Variants in COP1 observed in about 807,000 individuals in gnomAD.
COP1 encodes E3 ubiquitin-protein ligase COP1.
A neutral mutation model predicts 101.3 loss-of-function variants in COP1; 24 were observed. The ratio of observed to expected loss-of-function variants is 0.24; its 90% CI spans 0.17 to 0.33. The LOEUF (loss-of-function observed/expected upper bound fraction) is 0.33, where lower values mean the gene tolerates loss of function less well. Among genes scored for constraint, COP1 ranks in the 10% least tolerant of loss-of-function variants. The probability of loss-of-function intolerance (pLI) is 1.00; values close to 1 mark genes in which losing one functional copy is unlikely to be tolerated. For missense variants in COP1, 663 were observed against 906.2 expected, an observed-to-expected ratio of 0.73 and a Z score of 3.45; for synonymous variants, 347 against 341.9, an observed-to-expected ratio of 1.01 and a Z score of -0.17.
chr1:176,119,190 G>C (rs1019124868), intron 8 of COP1, among the ~76,000 whole-genome samples: 13 of 152,148 alleles, frequency 8.5e-5, no homozygotes, highest in African/African-American at 3.1e-4. Context: ...GAGACTAAGA[G>C]GACTGAAAGT....
At chr1:175,987,624 T>G (rs1490479671) in intron 17 of COP1, among the ~76,000 whole-genome samples, 2 of 152,184 alleles carry the variant, frequency 1.3e-5, no homozygotes, top group Non-Finnish European at 2.9e-5. Flanking sequence ...TGTATTTTTA[T>G]TTTTGAGCCA....
intron 18 of COP1, among the ~76,000 whole-genome samples, chr1:175,968,968 G>C (rs1652702647): frequency 6.6e-6 from 1 of 152,134 alleles, no homozygotes; most frequent in African/African-American, 2.4e-5. Context: ...AAGTATGAGG[G>C]GAAAAAAATG....
intron 10 of COP1, among the ~76,000 whole-genome samples, chr1:176,081,848 A>C (rs1263840372): frequency 6.6e-6 from 1 of 152,184 alleles, no homozygotes; most frequent in Non-Finnish European, 1.5e-5. Context: ...AATTCTAAAA[A>C]ACAAACAAAA....
intron 3 of COP1, among the ~76,000 whole-genome samples, chr1:176,167,135 A>C (rs1695267276): frequency 6.6e-6 from 1 of 152,196 alleles, no homozygotes; most frequent in African/African-American, 2.4e-5. Context: ...CTCAACATTC[A>C]AATGTCTATA....
At chr1:176,020,333 C>G (rs1354143943) in intron 15 of COP1, among the ~76,000 whole-genome samples, 1 of 149,022 alleles carries the variant, frequency 6.7e-6, no homozygotes, top group Non-Finnish European at 1.5e-5. Flanking sequence ...AAAAAAAAAC[C>G]TTCATACTCA....
At chr1:176,150,778 A>C (rs1024118187) in intron 5 of COP1, among the ~76,000 whole-genome samples, 5 of 152,206 alleles carry the variant, frequency 3.3e-5, no homozygotes, top group African/African-American at 1.2e-4. Context: ...TAACTTGTAG[A>C]AAGAAGGAGA....
intron 11 of COP1, among the ~76,000 whole-genome samples, chr1:176,067,941 C>G (rs909204242): frequency 1.3e-5 from 2 of 152,216 alleles, no homozygotes; most frequent in Non-Finnish European, 2.9e-5. Flanking sequence ...CTCCTCTGAG[C>G]AGCAGGGCAC....
chr1:176,056,073 G>A (rs1487149490), intron 11 of COP1, among the ~76,000 whole-genome samples: 3 of 152,024 alleles, frequency 2.0e-5, no homozygotes, highest in African/African-American at 7.2e-5. Context: ...TCCCAGCGTT[G>A]CCAAAAAAGC....
chr1:176,196,550 G>A (rs899939212), intron 1 of COP1, among the ~76,000 whole-genome samples: 3 of 152,282 alleles, frequency 2.0e-5, no homozygotes, highest in Admixed American at 2.0e-4. Flanking sequence ...TATAGAACCT[G>A]AGTAGTGTCT....
At chr1:176,008,312 C>T (rs932674676) in intron 15 of COP1, among the ~76,000 whole-genome samples, 3 of 152,174 alleles carry the variant, frequency 2.0e-5, no homozygotes, top group African/African-American at 7.2e-5. Flanking sequence ...TTCTGCGTTG[C>T]TCATGCTGGG....
At chr1:175,969,136 C>T (rs1308979860) in intron 18 of COP1, among the ~76,000 whole-genome samples, 1 of 152,174 alleles carries the variant, frequency 6.6e-6, no homozygotes, top group Admixed American at 6.5e-5. Context: ...AAAAGCAATA[C>T]ATTCAAGGCA....
intron 5 of COP1, among the ~76,000 whole-genome samples, chr1:176,150,544 A>C (rs1692257549): frequency 6.6e-6 from 1 of 152,168 alleles, no homozygotes; most frequent in African/African-American, 2.4e-5. Flanking sequence ...TGTTTGTGGG[A>C]CTTCTCTACA....
At chr1:176,183,797 T>C (rs1421104120) in intron 2 of COP1, among the ~76,000 whole-genome samples, 1 of 152,184 alleles carries the variant, frequency 6.6e-6, no homozygotes, top group African/African-American at 2.4e-5. Flanking sequence ...TTCTGACACA[T>C]GCTACAACAC....
chr1:176,162,026 C>T (rs982250074), intron 5 of COP1, among the ~76,000 whole-genome samples: 2 of 152,092 alleles, frequency 1.3e-5, no homozygotes, highest in Admixed American at 1.3e-4. Context: ...TATTATCCAC[C>T]ATGTGATAAA....
rs750125741 is a variant in COP1, at chr1:175,988,359, C to T, written c.1901G>A (p.Arg634His). 16 of 1,611,008 alleles carry T rather than the reference C, an allele frequency of 9.9e-6. No individual in the cohort carries two copies. The highest frequency in any genetic ancestry group is 8.9e-5 in the East Asian group (4 of 44,862). The stretch of plus-strand genomic sequence containing the variant: ...TTCATTGATATGACCCTTGAAGGAA[C>T]GTAGGCAGTATGGTTTCCCTACATT... ...LWNVGKPYCL[R>H]SFKGHINEKN... Residue 634 changes from arginine (R) to histidine (H), a missense_variant, in exon 17 of 20, where the codon CGT (arginine) becomes CAT (histidine). By Grantham distance (29) the Arg-to-His change is conservative. This residue lies in a region of COP1 where 209 missense variants were observed against 383.3 expected (regional missense o/e 0.55). Coordinates refer to ENST00000367669, the MANE Select transcript of COP1 (RefSeq NM_022457.7).
intron 10 of COP1, among the ~76,000 whole-genome samples, chr1:176,083,257 T>C (rs1679518073): frequency 6.6e-6 from 1 of 152,206 alleles, no homozygotes; most frequent in African/African-American, 2.4e-5. Context: ...ATCCTATTCA[T>C]TCCCATTTTG....
chr1:176,063,263 T>A (rs1164558873), intron 11 of COP1, among the ~76,000 whole-genome samples: 2 of 151,534 alleles, frequency 1.3e-5, no homozygotes, highest in Non-Finnish European at 2.9e-5. Context: ...GGTTTCACCT[T>A]GTTAGCCAGG....
chr1:176,006,721 G>C (rs925612938), intron 15 of COP1, among the ~76,000 whole-genome samples: 3 of 152,196 alleles, frequency 2.0e-5, no homozygotes, highest in African/African-American at 4.8e-5. Flanking sequence ...GAGATCCGCT[G>C]TTAGTCTGAT....
intron 3 of COP1, among the ~76,000 whole-genome samples, chr1:176,174,054 G>A (rs1696567928): frequency 7.0e-6 from 1 of 143,668 alleles, no homozygotes; most frequent in Non-Finnish European, 1.5e-5. Context: ...TTAAGTGGCA[G>A]TATATTTTTA....
Sources: allele counts gnomAD v4.1 joint callset (sites outside exome capture counted in the v4.1 genomes callset), GRCh38; gene constraint gnomAD v4.1.1; regional missense constraint gnomAD v4.1.1; transcripts MANE v1.5; gene names NCBI Gene and HGNC (gene_info 2026-07-23, HGNC 2026-07-21).